Variants in DCC observed in about 807,000 individuals in gnomAD.
DCC encodes DCC netrin 1 receptor.
DCC carries 58 observed loss-of-function variants against 172.5 expected under a neutral mutation model. That is an observed-to-expected ratio of 0.34 (90% CI 0.27 to 0.42). The LOEUF (loss-of-function observed/expected upper bound fraction) is 0.42, where lower values mean the gene tolerates loss of function less well. Ranked by LOEUF, DCC falls within the 10% of genes least tolerant of loss-of-function variation. The probability of loss-of-function intolerance (pLI) is 1.00; values close to 1 mark genes in which losing one functional copy is unlikely to be tolerated. For synonymous variants in DCC, 709 were observed against 644.5 expected (o/e 1.10, Z -1.52); for missense variants, 1,740 against 1,791.0 (o/e 0.97, Z 0.51).
In DCC at chr18:52,764,594, G is replaced by A. The variant is rs564942190; in HGVS notation, c.412+12220G>A. 2.6e-5 allele frequency among the ~76,000 whole-genome samples: 4 copies of A among 152,314 alleles called. No individual in the cohort carries two copies. In the South Asian group the frequency reaches 8.3e-4, roughly 32 times the overall value. ...TTTCCTCTCTTATCATGTGATGTCTGTACATGCTGGCTTCCCTTCACCTTC... is the reference window on the plus strand; with the variant it reads ...TTTCCTCTCTTATCATGTGATGTCTATACATGCTGGCTTCCCTTCACCTTC... On this transcript the variant is annotated intron_variant, in intron 2 of 28. Coordinates refer to ENST00000442544, the MANE Select transcript of DCC (RefSeq NM_005215.4).
chr18:53,511,652 C>T (rs530488804), intron 27 of DCC, among the ~76,000 whole-genome samples: 10 of 152,306 alleles, frequency 6.6e-5, no homozygotes, highest in South Asian at 2.1e-4. Context: ...ACTTGGGAAG[C>T]GCAAGGGGTC....
chr18:53,250,130 T>A (rs2056412237), intron 12 of DCC, among the ~76,000 whole-genome samples: 2 of 151,902 alleles, frequency 1.3e-5, no homozygotes, highest in Non-Finnish European at 2.9e-5. Flanking sequence ...TCCGTTTTTT[T>A]AAAATGGGGT....
chr18:52,905,619 G>C (rs1269511237), intron 2 of DCC, among the ~76,000 whole-genome samples: 2 of 152,072 alleles, frequency 1.3e-5, no homozygotes, highest in East Asian at 3.9e-4. Context: ...ATAATCCTTT[G>C]TCCAAAGTGG....
intron 5 of DCC, among the ~76,000 whole-genome samples, chr18:52,949,462 A>G (rs2040600864): frequency 6.6e-6 from 1 of 152,190 alleles, no homozygotes; most frequent in Non-Finnish European, 1.5e-5. Context: ...TCAAGGTTTT[A>G]TCCTTCCTCA....
chr18:53,028,418 T>C (rs1050619642), intron 5 of DCC, among the ~76,000 whole-genome samples: 1 of 152,120 alleles, frequency 6.6e-6, no homozygotes, highest in Non-Finnish European at 1.5e-5. Flanking sequence ...CACCACTTAA[T>C]TTCTAAAGTG....
intron 1 of DCC, among the ~76,000 whole-genome samples, chr18:52,477,629 GC>G (rs1989131144): frequency 6.6e-6 from 1 of 152,104 alleles, no homozygotes; most frequent in African/African-American, 2.4e-5. Flanking sequence ...CTAGGCAGAT[GC>G]TTATGCAGAA....
At position 53,273,639 on chromosome 18, in the gene DCC, A is replaced by G. The variant is rs551814435; in HGVS notation, c.1912-31939A>G. Among the ~76,000 whole-genome samples, 314 of 152,130 alleles carry G rather than the reference A, an allele frequency of 2.1e-3. 2 individuals carry two copies. The highest frequency in any genetic ancestry group is 3.1e-3 in the Non-Finnish European group (213 of 67,998). On this transcript the variant is annotated intron_variant, in intron 12 of 28. Transcript: ENST00000442544. ...TAAGTTCTGAGTTTGTGTTATTACA[A>G]TGGGTTTCCATGCCATTGAAAATAT...
chr18:52,519,440 T>C (rs2031740644), intron 1 of DCC, among the ~76,000 whole-genome samples: 1 of 152,114 alleles, frequency 6.6e-6, no homozygotes, highest in Non-Finnish European at 1.5e-5. Context: ...ATTTTGCTGA[T>C]ATAGGAGAAG....
intron 13 of DCC, among the ~76,000 whole-genome samples, chr18:53,319,964 A>G (rs970234286): frequency 6.6e-6 from 1 of 152,150 alleles, no homozygotes; most frequent in Non-Finnish European, 1.5e-5. Context: ...CATATAACTG[A>G]CCATCACAGA....
intron 15 of DCC, among the ~76,000 whole-genome samples, chr18:53,351,405 A>ATATATATATACTG (rs1555656859): frequency 8.3e-5 from 1 of 12,000 alleles, no homozygotes; most frequent in East Asian, 0.01. Context: ...TACAGTGTAT[A>ATATATATATACTG]TATATATATA....
chr18:53,160,249 A>G (rs1324333169), intron 8 of DCC, among the ~76,000 whole-genome samples: 3 of 152,136 alleles, frequency 2.0e-5, no homozygotes, highest in African/African-American at 7.2e-5. Flanking sequence ...CAATCACTGC[A>G]ACCTCTCATT....
chr18:52,945,071 G>A (rs1158573452), intron 5 of DCC, among the ~76,000 whole-genome samples: 2 of 152,094 alleles, frequency 1.3e-5, no homozygotes, highest in African/African-American at 4.8e-5. Flanking sequence ...TTACCATATT[G>A]TGACATGCCA....
intron 7 of DCC, among the ~76,000 whole-genome samples, chr18:53,152,288 A>C (rs1025026906): frequency 3.9e-5 from 6 of 152,184 alleles, no homozygotes; most frequent in Non-Finnish European, 8.8e-5. Flanking sequence ...TTTCATATAC[A>C]TCATAGGGAA....
chr18:53,151,827 GA>G (rs2054645977), intron 7 of DCC, among the ~76,000 whole-genome samples: 1 of 151,780 alleles, frequency 6.6e-6, no homozygotes, highest in Non-Finnish European at 1.5e-5. Context: ...TAACATTTTA[GA>G]AAAAATATTA....
intron 1 of DCC, among the ~76,000 whole-genome samples, chr18:52,562,775 A>G (rs753428957): frequency 1.3e-4 from 19 of 151,828 alleles, no homozygotes; most frequent in Non-Finnish European, 5.9e-5. Flanking sequence ...AATTTTAATC[A>G]TTTTCTTTAT....
intron 7 of DCC, among the ~76,000 whole-genome samples, chr18:53,135,324 A>G (rs2043723825): frequency 6.6e-6 from 1 of 152,164 alleles, no homozygotes; most frequent in African/African-American, 2.4e-5. Context: ...ATGAAATAAG[A>G]GCATGGGAAA....
intron 1 of DCC, among the ~76,000 whole-genome samples, chr18:52,541,933 A>G (rs1457708453): frequency 6.9e-6 from 1 of 145,136 alleles, no homozygotes; most frequent in Non-Finnish European, 1.5e-5. Context: ...TTTAGAAGCA[A>G]AAGACTTAGA....
intron 15 of DCC, among the ~76,000 whole-genome samples, chr18:53,349,131 C>T (rs1460290271): frequency 6.6e-6 from 1 of 152,180 alleles, no homozygotes. Context: ...CCAAAGTCAC[C>T]TCTTGAATGC....
intron 1 of DCC, among the ~76,000 whole-genome samples, chr18:52,537,000 G>T (rs921636763): frequency 9.9e-5 from 15 of 152,138 alleles, no homozygotes; most frequent in Non-Finnish European, 1.9e-4. Flanking sequence ...TAAAGAAATA[G>T]AAAATGTTAA....
Sources: allele counts gnomAD v4.1 joint callset (sites outside exome capture counted in the v4.1 genomes callset), GRCh38; gene constraint gnomAD v4.1.1; transcripts MANE v1.5; gene names NCBI Gene and HGNC (gene_info 2026-07-23, HGNC 2026-07-21).